Variants in CHD6 observed in about 807,000 individuals in gnomAD.
CHD6 encodes ATP-dependent chromatin remodeler CHD6.
Under a neutral mutation model 276.9 loss-of-function variants are expected in CHD6, and 50 were observed. The ratio of observed to expected loss-of-function variants is 0.18; its 90% CI spans 0.14 to 0.23. CHD6 has a LOEUF of 0.23. Ranked by LOEUF, CHD6 falls within the 10% of genes least tolerant of loss-of-function variation. The pLI is 1.00. For synonymous variants in CHD6, 1,173 were observed against 1,229.3 expected (o/e 0.95, Z 0.96); for missense variants, 2,564 against 3,365.8 (o/e 0.76, Z 5.89).
intron 36 of CHD6, among the ~76,000 whole-genome samples, chr20:41,409,808 T>C (rs2046789533): frequency 6.6e-6 from 1 of 152,222 alleles, no homozygotes; most frequent in African/African-American, 2.4e-5. Context: ...CTGAAGTATT[T>C]AGGGGTGATA....
chr20:41,525,865 T>C (rs2044520621), intron 3 of CHD6, among the ~76,000 whole-genome samples: 1 of 152,216 alleles, frequency 6.6e-6, no homozygotes, highest in Non-Finnish European at 1.5e-5. Context: ...CATTTGTTTA[T>C]ATTTTTGCCT....
intron 1 of CHD6, among the ~76,000 whole-genome samples, chr20:41,594,023 A>C (rs1223916223): frequency 6.6e-6 from 1 of 152,160 alleles, no homozygotes; most frequent in Admixed American, 6.5e-5. Flanking sequence ...ATGATCAAGA[A>C]GAGATGCTAC....
At chr20:41,555,216 C>T (rs1487040609) in intron 1 of CHD6, among the ~76,000 whole-genome samples, 12 of 132,796 alleles carry the variant, frequency 9.0e-5, no homozygotes, top group African/African-American at 3.0e-4. Context: ...CCGGATGGGG[C>T]GGCTGGCCGG....
chr20:41,405,491 TG>T lies in CHD6; in HGVS notation c.7252-3del, dbSNP rs1399539771. 6.5e-7 allele frequency: 1 copy of T among 1,542,642 alleles called. No homozygotes were observed. Among genetic ancestry groups the T allele is most frequent in the East Asian group, 2.3e-5 (1 of 44,284 alleles). On this transcript the variant is annotated splice_polypyrimidine_tract_variant and splice_region_variant and intron_variant, in intron 36 of 36. Coordinates refer to ENST00000373233, the MANE Select transcript of CHD6 (RefSeq NM_032221.5). Reference sequence around the variant, plus strand: ...GAACTTGTTTTCTGGAAGAAACCCCTGGAAAAACAAAGAAACACAAAATGCT... The same window carrying T: ...GAACTTGTTTTCTGGAAGAAACCCCTGAAAAACAAAGAAACACAAAATGCT...
intron 2 of CHD6, among the ~76,000 whole-genome samples, chr20:41,533,797 T>C (rs1402316099): frequency 6.6e-6 from 1 of 152,136 alleles, no homozygotes; most frequent in African/African-American, 2.4e-5. Flanking sequence ...TAAATCAGGA[T>C]CATTCAAAGG....
intron 23 of CHD6, among the ~76,000 whole-genome samples, chr20:41,449,489 A>G (rs1205344681): frequency 1.3e-5 from 2 of 152,188 alleles, no homozygotes; most frequent in Non-Finnish European, 2.9e-5. Context: ...TTGAAAGCCA[A>G]TAGTATTCAA....
At chr20:41,475,153 T>G (rs1295903393) in intron 16 of CHD6, among the ~76,000 whole-genome samples, 1 of 152,224 alleles carries the variant, frequency 6.6e-6, no homozygotes, top group Non-Finnish European at 1.5e-5. Context: ...TAGCAGCAAA[T>G]TCTTAAGTGT....
In CHD6 at chr20:41,580,939, T is replaced by A. The variant is rs147626138; in HGVS notation, c.-23-29579A>T. ...GAGACAACATTATTGCTAGCAAAGT[T>A]GAAATTAATCAGCTCTGCTCCCTTT... On this transcript the variant is annotated intron_variant, in intron 1 of 36. Transcript: ENST00000373233. 1.1e-3 allele frequency among the ~76,000 whole-genome samples: 161 copies of A among 152,284 alleles called. 2 individuals carry two copies. The highest frequency in any genetic ancestry group is 9.7e-4 in the East Asian group (5 of 5,174).
Position 41,555,261 on chromosome 20 carries a change from G to A in CHD6, c.-23-3901C>T, listed in dbSNP as rs1317198549. Among the ~76,000 whole-genome samples the A allele has an allele frequency of 7.2e-5, 10 of 138,720 alleles. No individual in the cohort carries two copies. The South Asian group carries it at 1.4e-3, about 20-fold the overall frequency. 91.0% of individuals were successfully genotyped at this position (138,720 alleles called of 152,430 possible). On this transcript the variant is annotated intron_variant, in intron 1 of 36. Transcript: ENST00000373233. ...TGACCCCCCCACCTCCCTCCTGGACGGGGCGGCTGGCCGGGCAGAGGGGCT... is the reference window on the plus strand; with the variant it reads ...TGACCCCCCCACCTCCCTCCTGGACAGGGCGGCTGGCCGGGCAGAGGGGCT...
At chr20:41,552,606 G>A (rs947916690) in intron 1 of CHD6, among the ~76,000 whole-genome samples, 55 of 152,264 alleles carry the variant, frequency 3.6e-4, no homozygotes, top group African/African-American at 1.1e-3. Flanking sequence ...CATGTTGGAC[G>A]CAAACAGAAA....
intron 1 of CHD6, among the ~76,000 whole-genome samples, chr20:41,576,325 A>G (rs959289542): frequency 3.9e-5 from 6 of 152,210 alleles, no homozygotes; most frequent in African/African-American, 1.2e-4. Flanking sequence ...TCCCCACTAT[A>G]TATGTAGCGA....
At chr20:41,563,802 T>C (rs2045327227) in intron 1 of CHD6, among the ~76,000 whole-genome samples, 1 of 152,186 alleles carries the variant, frequency 6.6e-6, no homozygotes, top group Non-Finnish European at 1.5e-5. Context: ...TGAACACAGC[T>C]GTGAACACAG....
chr20:41,599,890 T>C (rs971393954), intron 1 of CHD6, among the ~76,000 whole-genome samples: 2 of 152,194 alleles, frequency 1.3e-5, no homozygotes, highest in Non-Finnish European at 2.9e-5. Context: ...ACTAGCCAAT[T>C]GGGTCAGCTT....
rs181149419 is a variant in CHD6, at chr20:41,470,788, C to T, written c.2664+2534G>A. ...ATTCACGTTCTTGCTTTTCCCATGG[C>T]ATTGCACCTATTCAACTGGTAATGT... On this transcript the variant is annotated intron_variant, in intron 17 of 36. Transcript: ENST00000373233. 7.2e-5 allele frequency among the ~76,000 whole-genome samples: 11 copies of T among 152,358 alleles called. No individual in the cohort carries two copies. In the East Asian group the frequency reaches 1.9e-3, roughly 27 times the overall value.
At chr20:41,441,027 T>A (rs915103525) in intron 25 of CHD6, among the ~76,000 whole-genome samples, 7 of 152,260 alleles carry the variant, frequency 4.6e-5, no homozygotes, top group African/African-American at 1.4e-4. Flanking sequence ...CCTGAGGAGC[T>A]GTGGGTAGCT....
At chr20:41,435,310 A>G (rs1940505085) in intron 27 of CHD6, among the ~76,000 whole-genome samples, 1 of 152,180 alleles carries the variant, frequency 6.6e-6, no homozygotes, top group African/African-American at 2.4e-5. Flanking sequence ...AAAACCTAGA[A>G]AAGGGCTGGG....
At chr20:41,407,593 G>A (rs1255930465) in intron 36 of CHD6, among the ~76,000 whole-genome samples, 5 of 152,226 alleles carry the variant, frequency 3.3e-5, no homozygotes, top group Non-Finnish European at 7.3e-5. Context: ...TATGAAATAA[G>A]CAAATCCTTA....
rs183693595 is a variant in CHD6, at chr20:41,430,177, C to T, written c.4069-4024G>A. On this transcript the variant is annotated intron_variant, in intron 27 of 36. Transcript: ENST00000373233. ...TGCAGACTAGAAGTAAAGGTGAATC[C>T]GTTTATAATCTGTCCACCTCAGAAT... Among the ~76,000 whole-genome samples, 27 of 152,272 alleles carry T rather than the reference C, an allele frequency of 1.8e-4. No homozygotes were observed. The East Asian group carries it at 4.4e-3, about 25-fold the overall frequency.
chr20:41,551,269 C>T (rs1360352821), intron 2 of CHD6, 36 bp downstream of exon 2: 6 of 1,388,934 alleles, frequency 4.3e-6, no homozygotes, highest in South Asian at 1.2e-5. Context: ...CCAAGATACC[C>T]GGATGCATTC....
Sources: allele counts gnomAD v4.1 joint callset (sites outside exome capture counted in the v4.1 genomes callset), GRCh38; gene constraint gnomAD v4.1.1; transcripts MANE v1.5; gene names NCBI Gene and HGNC (gene_info 2026-07-23, HGNC 2026-07-21).